Variants in ATP6AP2 observed in about 807,000 individuals in gnomAD.
ATP6AP2 encodes ATPase H+ transporting accessory protein 2.
Under a neutral mutation model 23.4 loss-of-function variants are expected in ATP6AP2, and 1 was observed. The ratio of observed to expected loss-of-function variants is 0.04; its 90% CI spans 0.02 to 0.20. The LOEUF is 0.20. ATP6AP2 is among the 10% of genes least tolerant of loss of function. ATP6AP2 has a pLI of 1.00. For missense variants in ATP6AP2, 174 were observed against 271.3 expected (o/e 0.64, Z 2.52); for synonymous variants, 90 against 97.1 (o/e 0.93, Z 0.43).
intron 3 of ATP6AP2, 82 bp from the exon 4 acceptor site, chrX:40,597,167 G>T (rs1460322567): frequency 3.8e-6 from 3 of 787,120 alleles, no homozygotes; most frequent in East Asian, 3.2e-5. Context: ...AAAGTTTAAG[G>T]CTTCTTTTTA....
In ATP6AP2 at chrX:40,589,043, A is replaced by G; in HGVS notation, c.95A>G (p.Asn32Ser). Residue 32 changes from asparagine (N) to serine (S), a missense_variant, in exon 2 of 9, where the codon AAT becomes AGT. Physicochemically the swap from Asn to Ser is conservative, Grantham distance 46 (BLOSUM62 1). Coordinates refer to ENST00000636580, the MANE Select transcript of ATP6AP2 (RefSeq NM_005765.3). Reference sequence around the variant, plus strand: ...TCACCAGGGTCTGTTGTTTTCCGAAATGGAAATTGGCCTATACCAGGAGAG... The same window carrying G: ...TCACCAGGGTCTGTTGTTTTCCGAAGTGGAAATTGGCCTATACCAGGAGAG... ...LKSPGSVVFR[N>S]GNWPIPGERI... The G allele has an allele frequency of 8.3e-7, 1 of 1,209,560 alleles. No homozygotes were observed. The highest frequency in any genetic ancestry group is 2.2e-5 in the Admixed American group (1 of 46,006).
At position 40,606,708 on chromosome X, in the gene ATP6AP2, G is replaced by T. The variant is rs1055961319; in HGVS notation, c.*953G>T. 21 of 111,795 alleles carry T rather than the reference G, an allele frequency of 1.9e-4. No homozygotes were observed. The highest frequency in any genetic ancestry group is 5.5e-4 in the African/African-American group (17 of 30,688). The allele number at this position is 111,795 out of a possible 1,213,427, so 9.2% of individuals were successfully genotyped here. A position where few individuals can be genotyped will look rare whatever the true frequency, so the allele number is the denominator to read the frequency against. ...AACAAAACAGGCTTTTCTTTCATCAGGATTGGCTGTTTTGTTGTACAGATA... is the reference window on the plus strand; with the variant it reads ...AACAAAACAGGCTTTTCTTTCATCATGATTGGCTGTTTTGTTGTACAGATA... On this transcript the variant is annotated 3_prime_UTR_variant, in exon 9 of 9. Coordinates refer to ENST00000636580, the MANE Select transcript of ATP6AP2 (RefSeq NM_005765.3).
intron 3 of ATP6AP2, among the ~76,000 whole-genome samples, chrX:40,593,099 T>G (rs1001537984): frequency 9.0e-6 from 1 of 110,752 alleles, no homozygotes; most frequent in African/African-American, 3.3e-5. Flanking sequence ...AATACAAAAA[T>G]TAGCCAGGCG....
chrX:40,602,403 C>A (rs1421559290), intron 8 of ATP6AP2, among the ~76,000 whole-genome samples: 1 of 100,186 alleles, frequency 1.0e-5, no homozygotes, highest in Non-Finnish European at 1.9e-5. Flanking sequence ...GTAATCCCAG[C>A]ACTTTGGGAG....
intron 5 of ATP6AP2, 200 bp from the exon 6 acceptor site, chrX:40,598,481 A>T: frequency 2.2e-6 from 1 of 448,728 alleles, no homozygotes. Context: ...TGTGCTAGGG[A>T]ATGGCCATCA....
intron 3 of ATP6AP2, among the ~76,000 whole-genome samples, chrX:40,595,456 C>T (rs940688376): frequency 2.7e-5 from 3 of 112,464 alleles, no homozygotes; most frequent in African/African-American, 6.4e-5. Flanking sequence ...AACCATCATT[C>T]GATATTAAGC....
Position 40,591,864 on chromosome X carries a change from T to C in ATP6AP2, c.300+499T>C, listed in dbSNP as rs148149114. 177 of 126,243 alleles carry C rather than the reference T, an allele frequency of 1.4e-3. 1 individual carries two copies. The highest frequency in any genetic ancestry group is 5.3e-3 in the African/African-American group (166 of 31,161). 10.4% of individuals were successfully genotyped at this position (126,243 alleles called of 1,213,427 possible). A position where few individuals can be genotyped will look rare whatever the true frequency, so the allele number is the denominator to read the frequency against. On this transcript the variant is annotated intron_variant, in intron 3 of 8. Coordinates refer to ENST00000636580, the MANE Select transcript of ATP6AP2 (RefSeq NM_005765.3). ...GCATATAGAAGTGCTTGAAAGAATG[T>C]CACAAAAAACATTTTTACTAGCATA...
chrX:40,603,617 C>T (rs1396498751), intron 8 of ATP6AP2, among the ~76,000 whole-genome samples: 1 of 111,538 alleles, frequency 9.0e-6, no homozygotes, highest in Non-Finnish European at 1.9e-5. Flanking sequence ...CACTGCCAGG[C>T]ACCCTGCCCC....
intron 8 of ATP6AP2, chrX:40,605,177 G>A (rs1386947425): frequency 1.4e-5 from 2 of 144,534 alleles, no homozygotes; most frequent in Admixed American, 7.6e-5. Context: ...TGATCTGCCC[G>A]CCTTGGCCTC....
At chrX:40,603,531 A>T (rs1016391258) in intron 8 of ATP6AP2, 2 of 110,371 alleles carry the variant, frequency 1.8e-5, no homozygotes, top group African/African-American at 6.6e-5. Context: ...AGGAACATTT[A>T]CTGAGTACTC....
intron 3 of ATP6AP2, among the ~76,000 whole-genome samples, chrX:40,596,178 C>CA (rs369948015): frequency 0.03 from 2,837 of 95,987 alleles, 94 homozygotes; most frequent in African/African-American, 0.098. Flanking sequence ...GGCTCTGTCT[C>CA]AAAAAAAAAA....
chrX:40,597,672 C>G lies in ATP6AP2; in HGVS notation c.534+8C>G, dbSNP rs753957171. On this transcript the variant is annotated splice_region_variant and intron_variant, in intron 5 of 8. Coordinates refer to ENST00000636580, the MANE Select transcript of ATP6AP2 (RefSeq NM_005765.3). ...CTGAGTAGGAACAATGAAGTAAGTG[C>G]AGTTATTCAATGAATACATGAATAT... is the stretch of plus-strand genomic sequence containing the variant. The G allele has an allele frequency of 8.4e-7, 1 of 1,194,887 alleles. No homozygotes were observed. The highest frequency in any genetic ancestry group is 1.1e-6 in the Non-Finnish European group (1 of 881,810).
At chrX:40,603,178 C>T (rs1452752025) in intron 8 of ATP6AP2, among the ~76,000 whole-genome samples, 2 of 108,766 alleles carry the variant, frequency 1.8e-5, no homozygotes, top group Non-Finnish European at 3.8e-5. Context: ...AAGTGATTTG[C>T]TCACCTCAGC....
chrX:40,599,014 T>A (rs1926839848), intron 6 of ATP6AP2: 2 of 357,639 alleles, frequency 5.6e-6, no homozygotes, highest in Non-Finnish European at 4.9e-6. Flanking sequence ...GGCTGTTGAT[T>A]TCTTGTGAGA....
chrX:40,591,466 T>C (rs1375109936), intron 3 of ATP6AP2, 101 bp downstream of exon 3: 1 of 943,087 alleles, frequency 1.1e-6, no homozygotes, highest in East Asian at 3.4e-5. Context: ...TTATCTGTTT[T>C]TGATGCACAG....
chrX:40,590,460 C>A (rs903059877), intron 2 of ATP6AP2: 4 of 111,829 alleles, frequency 3.6e-5, no homozygotes, highest in Non-Finnish European at 7.5e-5. Context: ...CTTACTGCAA[C>A]CTCCACCTCC....
At chrX:40,586,467 G>T (rs1023225939) in intron 1 of ATP6AP2, among the ~76,000 whole-genome samples, 2 of 111,656 alleles carry the variant, frequency 1.8e-5, no homozygotes, top group African/African-American at 6.5e-5. Context: ...GGTGGGGAGA[G>T]GAAGCAGGTA....
intron 3 of ATP6AP2, among the ~76,000 whole-genome samples, chrX:40,593,576 A>ACG (rs1926700882): frequency 9.1e-6 from 1 of 109,718 alleles, no homozygotes; most frequent in Non-Finnish European, 1.9e-5. Context: ...GCGCAATGTC[A>ACG]TCTCACTGCA....
At chrX:40,594,194 C>T (rs1015512891) in intron 3 of ATP6AP2, among the ~76,000 whole-genome samples, 3 of 112,013 alleles carry the variant, frequency 2.7e-5, no homozygotes, top group Non-Finnish European at 3.8e-5. Context: ...TAAATATATA[C>T]AGTTACTATT....
Sources: gnomAD v4.1 joint callset for allele counts (sites outside exome capture counted in the v4.1 genomes callset) on GRCh38, gnomAD v4.1.1 for gene constraint, MANE v1.5 for transcripts, NCBI Gene and HGNC (gene_info 2026-07-23, HGNC 2026-07-21) for gene names.